TRAP1: variants seen among roughly 807,000 people sequenced by gnomAD.
The protein encoded by TRAP1 is heat shock protein 75 kDa, mitochondrial.
In TRAP1, 102 loss-of-function variants were observed where a neutral mutation model predicts 89.1. That is an observed-to-expected ratio of 1.15 (90% CI 0.98 to 1.35). The LOEUF (loss-of-function observed/expected upper bound fraction) is 1.35, where lower values mean the gene tolerates loss of function less well. TRAP1 is among the 40% of genes most tolerant of loss of function. The probability of loss-of-function intolerance (pLI) is 0.00; values close to 1 mark genes in which losing one functional copy is unlikely to be tolerated. For synonymous variants in TRAP1, 508 were observed against 388.0 expected (o/e 1.31, Z -3.64); for missense variants, 1,256 against 945.3 (o/e 1.33, Z -4.31).
intron 1 of TRAP1, among the ~76,000 whole-genome samples, chr16:3,712,516 A>G (rs569938874): frequency 6.6e-6 from 1 of 152,086 alleles, no homozygotes; most frequent in East Asian, 1.9e-4. Flanking sequence ...GCCAAGGGGT[A>G]GCAAAATACT....
In TRAP1 at chr16:3,702,712, T is replaced by C. The variant is rs143977315; in HGVS notation, c.89-11727A>G. On this transcript the variant is annotated intron_variant, in intron 1 of 17. Transcript: ENST00000246957. ...GTGAGCCGAGATCACACCACTGCAC[T>C]CTAGCCTGGGTGACAAAGTGAGACC... Among the ~76,000 whole-genome samples, 174 of 151,612 alleles carry C rather than the reference T, an allele frequency of 1.1e-3. 3 individuals are homozygous for C. Among genetic ancestry groups the C allele is most frequent in the African/African-American group, 4.0e-3 (166 of 41,060 alleles).
chr16:3,717,469 G>A lies in TRAP1; in HGVS notation c.40C>T (p.Arg14Cys), dbSNP rs1391644163. ...ELRALLLWGR[R>C]LRPLLRAPAL... ...GGCGCCCGCAGCAAAGGCCGCAGGC[G>A]GCGGCCCCACAGCAGCAGCGCCCGC... The change falls in exon 1 of 18, where the codon CGC becomes TGC. Residue 14 changes from arginine (R) to cysteine (C), a missense_variant. Transcript: ENST00000246957. 3 of 1,309,388 alleles carry A rather than the reference G, an allele frequency of 2.3e-6. No homozygotes were observed. The highest frequency in any genetic ancestry group is 1.6e-5 in the African/African-American group (1 of 64,348). The allele number at this position is 1,309,388 out of a possible 1,614,324, so 81.1% of individuals were successfully genotyped here.
intron 17 of TRAP1, 141 bp downstream of exon 17, chr16:3,658,652 A>G (rs1258243177): frequency 2.4e-6 from 2 of 820,326 alleles, no homozygotes; most frequent in Non-Finnish European, 3.8e-6. Flanking sequence ...CAGCCTGGCA[A>G]CAGAGCAACA....
chr16:3,696,297 G>A (rs529224413), intron 1 of TRAP1, among the ~76,000 whole-genome samples: 5 of 152,286 alleles, frequency 3.3e-5, no homozygotes, highest in South Asian at 2.1e-4. Flanking sequence ...GAGAAAGGAC[G>A]GGGTGTGTCA....
At chr16:3,670,918 T>C (rs532039443) in intron 11 of TRAP1, among the ~76,000 whole-genome samples, 34 of 152,142 alleles carry the variant, frequency 2.2e-4, no homozygotes, top group African/African-American at 6.5e-4. Context: ...TGAGGACCAG[T>C]GCCTCTCGGT....
Position 3,694,939 on chromosome 16 carries a change from G to C in TRAP1, c.89-3954C>G, listed in dbSNP as rs573618636. Among the ~76,000 whole-genome samples the C allele has an allele frequency of 2.3e-4, 35 of 152,336 alleles. 1 individual carries two copies. The South Asian group carries it at 7.0e-3, about 31-fold the overall frequency. On this transcript the variant is annotated intron_variant, in intron 1 of 17. Coordinates refer to ENST00000246957, the MANE Select transcript of TRAP1 (RefSeq NM_016292.3). ...GGGCTGGTTCCTCCTGAGGCTGGGAGGGAGGGTCTGTTTGCGCCTCTTCCA... is the reference window on the plus strand; with the variant it reads ...GGGCTGGTTCCTCCTGAGGCTGGGACGGAGGGTCTGTTTGCGCCTCTTCCA...
intron 1 of TRAP1, among the ~76,000 whole-genome samples, chr16:3,709,563 CA>C (rs1339907214): frequency 6.6e-6 from 1 of 152,160 alleles, no homozygotes; most frequent in African/African-American, 2.4e-5. Flanking sequence ...TCTGTGGCGA[CA>C]GGAAACAAAC....
chr16:3,697,663 C>CAA (rs563704469), intron 1 of TRAP1, among the ~76,000 whole-genome samples: 4,460 of 101,284 alleles, frequency 0.044, 240 homozygotes, highest in African/African-American at 0.14. Flanking sequence ...GACTCTGTCT[C>CAA]AAAAAAAAAA....
rs1878895380 is a variant in TRAP1 at position 3,711,041 on chromosome 16, A to G, written c.88+6380T>C. ...CACACCCAGCTAATTGGAAAAAAAA[A>G]AAAAAGGGTTTTTTGGTAGAGATGG... On this transcript the variant is annotated intron_variant, in intron 1 of 17. Transcript: ENST00000246957. Among the ~76,000 whole-genome samples, 3 of 150,268 alleles carry G rather than the reference A, an allele frequency of 2.0e-5. No individual in the cohort carries two copies. In the Admixed American group the frequency reaches 2.0e-4, roughly 10 times the overall value.
At position 3,686,140 on chromosome 16, in the gene TRAP1, C is replaced by T. The variant is rs1354103693; in HGVS notation, c.331-4G>A. 1 of 1,613,628 alleles carries T rather than the reference C, an allele frequency of 6.2e-7. No individual in the cohort carries two copies. The highest frequency in any genetic ancestry group is 8.5e-7 in the Non-Finnish European group (1 of 1,179,692). ...AGATCAGCTCCCGTATAAACACCTA[C>T]AGGAATAGAAATGGGAGGCACAGAC... On this transcript the variant is annotated splice_polypyrimidine_tract_variant and splice_region_variant and intron_variant, in intron 3 of 17. Coordinates refer to ENST00000246957, the MANE Select transcript of TRAP1 (RefSeq NM_016292.3).
At chr16:3,680,106 G>C in intron 4 of TRAP1, 1 of 250,262 alleles carries the variant, frequency 4.0e-6, no homozygotes, top group East Asian at 8.4e-5. Flanking sequence ...GAGCACCTGT[G>C]GTTCCAGCTA....
intron 1 of TRAP1, among the ~76,000 whole-genome samples, chr16:3,705,245 T>C (rs1302601404): frequency 2.0e-5 from 3 of 151,938 alleles, no homozygotes. Flanking sequence ...TTTGTATTTT[T>C]TTTTTAGTAG....
At chr16:3,707,254 C>G (rs1033114069) in intron 1 of TRAP1, among the ~76,000 whole-genome samples, 1 of 145,844 alleles carries the variant, frequency 6.9e-6, no homozygotes, top group Non-Finnish European at 1.5e-5. Flanking sequence ...GGCGGGATCT[C>G]GGCTCACTGC....
In TRAP1 at chr16:3,689,308, G is replaced by A. The variant is rs191483376; in HGVS notation, c.248-171C>T. ...CACCCAGGCTGGAGTACAGTGGCAC[G>A]ATCTCGGCTCACTGCAAGCTCTGCC... On this transcript the variant is annotated intron_variant, in intron 2 of 17. Coordinates refer to ENST00000246957, the MANE Select transcript of TRAP1 (RefSeq NM_016292.3). Among the ~76,000 whole-genome samples, 5 of 146,488 alleles carry A rather than the reference G, an allele frequency of 3.4e-5. No homozygotes were observed. In the East Asian group the frequency reaches 6.0e-4, roughly 17 times the overall value.
chr16:3,685,643 T>A (rs1215464368), intron 4 of TRAP1, among the ~76,000 whole-genome samples: 1 of 152,164 alleles, frequency 6.6e-6, no homozygotes, highest in African/African-American at 2.4e-5. Flanking sequence ...TTCGTCGGCA[T>A]TTTGAGGGGA....
At position 3,667,219 on chromosome 16, in the gene TRAP1, C is replaced by G. The variant is rs938628868; in HGVS notation, c.1236-1101G>C. On this transcript the variant is annotated intron_variant, in intron 11 of 17. Coordinates refer to ENST00000246957, the MANE Select transcript of TRAP1 (RefSeq NM_016292.3). ...GTGTCCAGGCTGGGGGCGTGACCAGCCCACCGTGAAGAGTCAGAGCCCAAG... is the reference window on the plus strand; with the variant it reads ...GTGTCCAGGCTGGGGGCGTGACCAGGCCACCGTGAAGAGTCAGAGCCCAAG... Among the ~76,000 whole-genome samples, 7 of 152,038 alleles carry G rather than the reference C, an allele frequency of 4.6e-5. No individual in the cohort carries two copies. In the East Asian group the frequency reaches 1.3e-3, roughly 29 times the overall value.
intron 1 of TRAP1, among the ~76,000 whole-genome samples, chr16:3,713,826 C>G (rs945624670): frequency 1.3e-5 from 2 of 152,230 alleles, no homozygotes; most frequent in African/African-American, 2.4e-5. Flanking sequence ...ACAGTTGGAG[C>G]TCTGACGAAA....
chr16:3,707,304 G>T (rs2151282601), intron 1 of TRAP1, among the ~76,000 whole-genome samples: 1 of 149,050 alleles, frequency 6.7e-6, no homozygotes, highest in South Asian at 2.1e-4. Flanking sequence ...TCCTGCCTCA[G>T]CCTCCCAAGT....
At chr16:3,708,358 G>C (rs1159043666) in intron 1 of TRAP1, among the ~76,000 whole-genome samples, 4 of 152,084 alleles carry the variant, frequency 2.6e-5, no homozygotes, top group African/African-American at 4.8e-5. Flanking sequence ...TAGCCAGAAA[G>C]CCAGGAGCAG....
Sources: gnomAD v4.1 joint callset for allele counts (sites outside exome capture counted in the v4.1 genomes callset) on GRCh38, gnomAD v4.1.1 for gene constraint, MANE v1.5 for transcripts, NCBI Gene and HGNC (gene_info 2026-07-23, HGNC 2026-07-21) for gene names.